Variants in KIF11 observed in about 807,000 individuals in gnomAD.
KIF11 encodes kinesin-like protein KIF11.
In KIF11, 9 loss-of-function variants were observed where a neutral mutation model predicts 121.0. The observed-to-expected ratio is 0.07, with a 90% CI of 0.04 to 0.13. The LOEUF is 0.13. KIF11 is among the 10% of genes least tolerant of loss of function. The probability of loss-of-function intolerance (pLI) is 1.00; values close to 1 mark genes in which losing one functional copy is unlikely to be tolerated. For missense variants in KIF11, 846 were observed against 1,217.5 expected, an observed-to-expected ratio of 0.69 and a Z score of 4.54; for synonymous variants, 408 against 421.0, an observed-to-expected ratio of 0.97 and a Z score of 0.38.
intron 1 of KIF11, among the ~76,000 whole-genome samples, chr10:92,600,327 A>G (rs1374051326): frequency 6.6e-6 from 1 of 151,836 alleles, no homozygotes; most frequent in East Asian, 1.9e-4. Flanking sequence ...TTTTTCATCA[A>G]CTTTTAAGTT....
intron 1 of KIF11, among the ~76,000 whole-genome samples, chr10:92,598,241 C>A (rs1844323507): frequency 6.6e-6 from 1 of 152,176 alleles, no homozygotes; most frequent in South Asian, 2.1e-4. Context: ...GTCTTACATA[C>A]ATTTTTGATC....
At chr10:92,618,296 T>TA (rs1844581117) in intron 9 of KIF11, among the ~76,000 whole-genome samples, 2 of 148,054 alleles carry the variant, frequency 1.4e-5, no homozygotes, top group African/African-American at 5.0e-5. Flanking sequence ...TTTTTTTAAA[T>TA]AAAGTTTTTA....
In KIF11 at chr10:92,593,181, T is replaced by A. The variant is rs180781687; in HGVS notation, c.-195T>A. 587 of 543,340 alleles carry A rather than the reference T, an allele frequency of 1.1e-3. 11 individuals carry two copies. In the Admixed American group the frequency reaches 0.018, roughly 17 times the overall value. 33.7% of individuals were successfully genotyped at this position (543,340 alleles called of 1,614,324 possible). On this transcript the variant is annotated 5_prime_UTR_variant, in exon 1 of 22. Transcript: ENST00000260731. The stretch of plus-strand genomic sequence containing the variant: ...AGATTAGTGATTTGGCGGCTCCGAC[T>A]GGCGCGGGACAAACGCCACGGCCAG...
At chr10:92,651,507 G>GTATTTTTTTTTTTTTTTT (rs1554863366) in intron 21 of KIF11, among the ~76,000 whole-genome samples, 3 of 52,956 alleles carry the variant, frequency 5.7e-5, no homozygotes, top group Admixed American at 2.5e-4. Flanking sequence ...GGCTAATTTT[G>GTATTTTTTTTTTTTTTTT]TTTTTTTTTT....
intron 13 of KIF11, among the ~76,000 whole-genome samples, chr10:92,632,993 G>A (rs1844756107): frequency 6.6e-6 from 1 of 151,272 alleles, no homozygotes; most frequent in South Asian, 2.1e-4. Flanking sequence ...CTGGGTCATT[G>A]ACCATAGGTG....
chr10:92,617,156 T>C (rs574694318), intron 9 of KIF11, among the ~76,000 whole-genome samples: 2 of 152,378 alleles, frequency 1.3e-5, no homozygotes, highest in East Asian at 3.9e-4. Context: ...TTCAATGATT[T>C]ATAGTGCATT....
rs1190688305 is a variant in KIF11, at chr10:92,637,523, C to A, written c.2138C>A (p.Thr713Lys). 2 of 1,603,538 alleles carry A rather than the reference C, an allele frequency of 1.2e-6. No homozygotes were observed. The highest frequency in any genetic ancestry group is 1.7e-6 in the Non-Finnish European group (2 of 1,177,818). ...GGAAACCTAACTGAAGACCTGAAGA[C>A]AATAAAGCAGACCCATTCCCAGGTA... Reference protein sequence around the residue: ...QCGNLTEDLKTIKQTHSQELC... With the variant: ...QCGNLTEDLKKIKQTHSQELC... The change falls in exon 16 of 22, where the codon ACA (threonine) becomes AAA (lysine). Residue 713 changes from threonine (T) to lysine (K), a missense_variant. By Grantham distance (78) the Thr-to-Lys change is moderately conservative. Coordinates refer to ENST00000260731, the MANE Select transcript of KIF11 (RefSeq NM_004523.4).
At chr10:92,645,740 A>C in intron 18 of KIF11, 98 bp downstream of exon 18, 1 of 973,266 alleles carries the variant, frequency 1.0e-6, no homozygotes, top group Middle Eastern at 3.4e-4. Flanking sequence ...ATGATATTTT[A>C]AGCTATAATG....
intron 4 of KIF11, among the ~76,000 whole-genome samples, chr10:92,608,387 T>C (rs1309727849): frequency 6.6e-6 from 1 of 152,068 alleles, no homozygotes; most frequent in Non-Finnish European, 1.5e-5. Flanking sequence ...ATTGTTACCA[T>C]AGGAGATATG....
intron 12 of KIF11, among the ~76,000 whole-genome samples, chr10:92,631,189 G>T (rs1263201775): frequency 1.3e-5 from 2 of 149,470 alleles, no homozygotes; most frequent in African/African-American, 4.9e-5. Context: ...ATCTACTCAG[G>T]AGGCTGAGGC....
chr10:92,654,099 C>G lies in KIF11; in HGVS notation c.*303C>G. 4.5e-6 allele frequency: 1 copy of G among 220,866 alleles called. No individual in the cohort carries two copies. The highest frequency in any genetic ancestry group is 1.8e-3 in the Middle Eastern group (1 of 548). 13.7% of individuals were successfully genotyped at this position (220,866 alleles called of 1,614,324 possible). On this transcript the variant is annotated 3_prime_UTR_variant, in exon 22 of 22. Transcript: ENST00000260731. ...GCTGAGGCACGAGAATCACTTGAACCCAGGAAGCGGGGTTGCAGTGAGCCA... is the reference window on the plus strand; with the variant it reads ...GCTGAGGCACGAGAATCACTTGAACGCAGGAAGCGGGGTTGCAGTGAGCCA...
intron 8 of KIF11, among the ~76,000 whole-genome samples, chr10:92,615,814 T>A (rs953782237): frequency 6.6e-6 from 1 of 151,782 alleles, no homozygotes; most frequent in African/African-American, 2.4e-5. Context: ...GTGAATATTA[T>A]TCTATAGTAT....
intron 6 of KIF11, among the ~76,000 whole-genome samples, chr10:92,610,026 G>A (rs1273338796): frequency 6.6e-6 from 1 of 152,090 alleles, no homozygotes; most frequent in Non-Finnish European, 1.5e-5. Flanking sequence ...TGTGAGCCAC[G>A]GCGCCCGGCC....
intron 17 of KIF11, among the ~76,000 whole-genome samples, chr10:92,641,969 TTTTTA>T (rs1844870001): frequency 6.6e-6 from 1 of 152,150 alleles, no homozygotes. Flanking sequence ...AGTTATTGCT[TTTTTA>T]TTTTTAGTTT....
rs1175303233 is a variant in KIF11, at chr10:92,651,507, GTTTTTTTTTTTTTT to G, written c.3039+1018_3039+1031del. ...TGTGCCACCATGCCTGGCTAATTTT[GTTTTTTTTTTTTTT>G]TTTTTTTTTTTTTTTTTTTTTTTTT... On this transcript the variant is annotated intron_variant, in intron 21 of 21. Coordinates refer to ENST00000260731, the MANE Select transcript of KIF11 (RefSeq NM_004523.4). Among the ~76,000 whole-genome samples, 175 of 52,972 alleles carry G rather than the reference GTTTTTTTTTTTTTT, an allele frequency of 3.3e-3. 10 individuals are homozygous for G. The highest frequency in any genetic ancestry group is 7.4e-3 in the East Asian group (8 of 1,084). The allele number at this position is 52,972 out of a possible 152,430, so 34.8% of individuals were successfully genotyped here. A position where few individuals can be genotyped will look rare whatever the true frequency, so the allele number is the denominator to read the frequency against.
Position 92,607,252 on chromosome 10 carries a change from TA to T in KIF11, c.387+17del. 1 of 1,462,304 alleles carries T rather than the reference TA, an allele frequency of 6.8e-7. No individual in the cohort carries two copies. The allele number at this position is 1,462,304 out of a possible 1,614,324, so 90.6% of individuals were successfully genotyped here. On this transcript the variant is annotated intron_variant, in intron 4 of 21. Coordinates refer to ENST00000260731, the MANE Select transcript of KIF11 (RefSeq NM_004523.4). The stretch of plus-strand genomic sequence containing the variant: ...CCTGGGAAGAGGTATTTATTGTTTA[TA>T]ACATACTTTTATCTCTAATGTGACT...
Position 92,593,302 on chromosome 10 carries a change from C to A in KIF11, c.-74C>A. 1 of 1,478,944 alleles carries A rather than the reference C, an allele frequency of 6.8e-7. No individual in the cohort carries two copies. The highest frequency in any genetic ancestry group is 1.2e-5 in the South Asian group (1 of 80,962). 91.6% of individuals were successfully genotyped at this position (1,478,944 alleles called of 1,614,324 possible). On this transcript the variant is annotated 5_prime_UTR_variant, in exon 1 of 22. Transcript: ENST00000260731. ...GGACCAGGGAGACTCCGGCCCCTGT[C>A]GGCCGCCAAGCCCCTCCGCCCCTCA...
rs2135892463 is a variant in KIF11, at chr10:92,593,351, C to T, written c.-25C>T. ...CACAGCGCCCAGGTCCGCGGCCGGG[C>T]CTTGATTTTTTGGCGGGGACCGTCA... On this transcript the variant is annotated 5_prime_UTR_variant, in exon 1 of 22. Transcript: ENST00000260731. The T allele has an allele frequency of 6.3e-7, 1 of 1,597,614 alleles. No homozygotes were observed. The highest frequency in any genetic ancestry group is 8.5e-7 in the Non-Finnish European group (1 of 1,173,156).
intron 9 of KIF11, 140 bp from the exon 10 acceptor site, chr10:92,621,245 A>G (rs1284823635): frequency 1.7e-4 from 81 of 471,164 alleles, no homozygotes; most frequent in Non-Finnish European, 4.5e-5. Flanking sequence ...ATTAAAAAGT[A>G]TGGTTATAAC....
Sources: gnomAD v4.1 joint callset for allele counts (sites outside exome capture counted in the v4.1 genomes callset) on GRCh38, gnomAD v4.1.1 for gene constraint, MANE v1.5 for transcripts, NCBI Gene and HGNC (gene_info 2026-07-23, HGNC 2026-07-21) for gene names.